LRP8: variants seen among roughly 807,000 people sequenced by gnomAD.
The protein encoded by LRP8 is low-density lipoprotein receptor-related protein 8.
LRP8 carries 46 observed loss-of-function variants against 111.6 expected under a neutral mutation model. The observed-to-expected ratio is 0.41, with a 90% CI of 0.33 to 0.53. LRP8 has a LOEUF of 0.53. Ranked by LOEUF, LRP8 falls within the 20% of genes least tolerant of loss-of-function variation. The pLI, the probability that LRP8 is intolerant of heterozygous loss-of-function variation, is 0.20. For synonymous variants in LRP8, 464 were observed against 511.2 expected (o/e 0.91, Z 1.24); for missense variants, 959 against 1,297.4 (o/e 0.74, Z 4.01).
chr1:53,312,272 T>C (rs1653142990), intron 2 of LRP8, among the ~76,000 whole-genome samples: 1 of 152,212 alleles, frequency 6.6e-6, no homozygotes, highest in Non-Finnish European at 1.5e-5. Context: ...AGCTCCCTAC[T>C]CAGAATGTTT....
At chr1:53,255,293 AATG>A in intron 15 of LRP8, 108 bp from the exon 16 acceptor site, 1 of 906,180 alleles carries the variant, frequency 1.1e-6, no homozygotes, top group Non-Finnish European at 1.8e-6. Flanking sequence ...CTCATTCTAA[AATG>A]ATGATCCTGG....
chr1:53,262,850 G>GC lies in LRP8; in HGVS notation c.1656-287dup, dbSNP rs1646396607. On this transcript the variant is annotated intron_variant, in intron 10 of 18. Transcript: ENST00000306052. The surrounding 1 kb of genome is among the most constrained non-coding windows in gnomAD (Gnocchi z 4.8). ...CTTCTGGCAGTGCTAACTAACTAGA[G>GC]CCCTAGGGTGTCAGTGTGGGGAAGG... Among the ~76,000 whole-genome samples, 2 of 152,188 alleles carry GC rather than the reference G, an allele frequency of 1.3e-5. No individual in the cohort carries two copies. The highest frequency in any genetic ancestry group is 1.3e-4 in the Admixed American group (2 of 15,276).
intron 2 of LRP8, among the ~76,000 whole-genome samples, chr1:53,319,202 C>T (rs1654177300): frequency 6.6e-6 from 1 of 152,158 alleles, no homozygotes; most frequent in Non-Finnish European, 1.5e-5. Flanking sequence ...GAAAAGCCAT[C>T]CAAGGATTAC....
intron 6 of LRP8, among the ~76,000 whole-genome samples, chr1:53,272,116 GC>G (rs1646777290): frequency 6.6e-6 from 1 of 151,892 alleles, no homozygotes; most frequent in South Asian, 2.1e-4. Context: ...TTAACATGGA[GC>G]CATTGCTAAA....
chr1:53,263,711 A>T (rs1323263182), intron 10 of LRP8, among the ~76,000 whole-genome samples: 1 of 152,188 alleles, frequency 6.6e-6, no homozygotes, highest in Non-Finnish European at 1.5e-5. Flanking sequence ...GTAACTCCAG[A>T]GGCCAATGGA....
chr1:53,301,077 G>A (rs1650752718), intron 2 of LRP8, among the ~76,000 whole-genome samples: 1 of 152,164 alleles, frequency 6.6e-6, no homozygotes, highest in Non-Finnish European at 1.5e-5. Flanking sequence ...CGCTCCGGGA[G>A]GGGAGACAGG....
intron 2 of LRP8, chr1:53,304,414 A>T (rs1651569389): frequency 6.6e-6 from 1 of 152,230 alleles, no homozygotes; most frequent in South Asian, 2.1e-4. Flanking sequence ...CCACTGCAGA[A>T]AGGCTCAGTG....
intron 6 of LRP8, chr1:53,274,841 G>T (rs1345080316): frequency 6.6e-6 from 3 of 456,226 alleles, no homozygotes; most frequent in Admixed American, 4.7e-5. Context: ...GGACAAGAGA[G>T]TGGACAGTGC....
chr1:53,270,682 T>C (rs1359964364), intron 8 of LRP8, among the ~76,000 whole-genome samples: 1 of 152,168 alleles, frequency 6.6e-6, no homozygotes, highest in Non-Finnish European at 1.5e-5. Context: ...CTGCCGCTGG[T>C]TCATTCTCTT....
At chr1:53,292,688 C>A (rs1649009443) in intron 2 of LRP8, among the ~76,000 whole-genome samples, 1 of 152,158 alleles carries the variant, frequency 6.6e-6, no homozygotes, top group African/African-American at 2.4e-5. Flanking sequence ...CCAGTCTCTG[C>A]CAGGTGTTTT....
At position 53,293,647 on chromosome 1, in the gene LRP8, T is replaced by C. The variant is rs1359332586; in HGVS notation, c.245-3958A>G. ...GACCCCAGAGAGTCCTCAAATGTAC[T>C]GAAACATCTCTCAGGTCTCCTGGAA... On this transcript the variant is annotated intron_variant, in intron 2 of 18. Coordinates refer to ENST00000306052, the MANE Select transcript of LRP8 (RefSeq NM_004631.5). The surrounding 1 kb of genome is among the most constrained non-coding windows in gnomAD (Gnocchi z 4.9). Among the ~76,000 whole-genome samples, 1 of 152,324 alleles carries C rather than the reference T, an allele frequency of 6.6e-6. No individual in the cohort carries two copies. Among genetic ancestry groups the C allele is most frequent in the East Asian group, 1.9e-4 (1 of 5,186 alleles).
intron 10 of LRP8, among the ~76,000 whole-genome samples, chr1:53,263,356 C>T (rs1646417955): frequency 6.6e-6 from 1 of 152,222 alleles, no homozygotes; most frequent in Non-Finnish European, 1.5e-5. Flanking sequence ...ACTCCCCTCA[C>T]CAGCTGCCCT....
At chr1:53,322,846 T>A (rs1201367403) in intron 2 of LRP8, among the ~76,000 whole-genome samples, 2 of 152,178 alleles carry the variant, frequency 1.3e-5, no homozygotes, top group Admixed American at 1.3e-4. Context: ...TTTATGAGGC[T>A]GTTTCCCAGC....
In LRP8 at chr1:53,274,560, T is replaced by C. The variant is rs570063872; in HGVS notation, c.1006+1071A>G. On this transcript the variant is annotated intron_variant, in intron 6 of 18. Transcript: ENST00000306052. ...GGGCGAAAAGCCCCATGTGAAGCCATAGGACGGCACATGAATCCAAAGAGA... is the reference window on the plus strand; with the variant it reads ...GGGCGAAAAGCCCCATGTGAAGCCACAGGACGGCACATGAATCCAAAGAGA... 3 of 395,384 alleles carry C rather than the reference T, an allele frequency of 7.6e-6. No homozygotes were observed. The Admixed American group carries it at 8.3e-5, about 11-fold the overall frequency. 24.5% of individuals were successfully genotyped at this position (395,384 alleles called of 1,614,324 possible).
In LRP8 at chr1:53,260,584, G is replaced by C. The variant is rs1646293510; in HGVS notation, c.1936C>G (p.Leu646Val). Residue 646 changes from leucine to valine, a missense_variant, in exon 13 of 19, where the codon CTG becomes GTG. By Grantham distance (32) the Leu-to-Val change is conservative (BLOSUM62 1). Around this residue, in one of 3 missense-constraint regions of LRP8, gnomAD observed 819 missense variants for 1,097.6 expected, o/e 0.75. Coordinates refer to ENST00000306052, the MANE Select transcript of LRP8 (RefSeq NM_004631.5). ...GCACTGAAAATGGCCTCGTTCTCCA[G>C]GTCTGTCCAGAACACCTTGTCCTGT... ...VFEDKVFWTD[L>V]ENEAIFSANR... The C allele has an allele frequency of 3.1e-6, 5 of 1,614,230 alleles. No homozygotes were observed. The highest frequency in any genetic ancestry group is 2.2e-5 in the East Asian group (1 of 44,892).
At chr1:53,299,014 G>A (rs768731620) in intron 2 of LRP8, among the ~76,000 whole-genome samples, 7 of 152,220 alleles carry the variant, frequency 4.6e-5, no homozygotes, top group South Asian at 2.1e-4. Context: ...GGAAGCTCAG[G>A]GCTCCCAGAG....
intron 6 of LRP8, among the ~76,000 whole-genome samples, chr1:53,271,997 T>A (rs1418119893): frequency 6.6e-6 from 1 of 151,860 alleles, no homozygotes; most frequent in East Asian, 1.9e-4. Context: ...TCTGTCCATG[T>A]CCCTGTCTGG....
At chr1:53,286,810 A>G (rs1647630505) in intron 3 of LRP8, among the ~76,000 whole-genome samples, 1 of 152,272 alleles carries the variant, frequency 6.6e-6, no homozygotes, top group Admixed American at 6.5e-5. Context: ...TAACATCTTA[A>G]TATCTAACAC....
At chr1:53,259,413 C>G (rs1423472873) in intron 13 of LRP8, among the ~76,000 whole-genome samples, 10 of 151,720 alleles carry the variant, frequency 6.6e-5, no homozygotes, top group Admixed American at 6.6e-4. Context: ...TGCCTGGCCT[C>G]CCTACTACTT....
Sources: allele counts gnomAD v4.1 joint callset (sites outside exome capture counted in the v4.1 genomes callset), GRCh38; gene constraint gnomAD v4.1.1; regional missense constraint gnomAD v4.1.1; non-coding constraint Gnocchi (gnomAD v3.1); transcripts MANE v1.5; gene names NCBI Gene and HGNC (gene_info 2026-07-23, HGNC 2026-07-21).